The following FGF10 variants were observed in gnomAD, a reference collection of about 807,000 sequenced individuals.
FGF10 encodes FGF-10.
FGF10 carries 2 observed loss-of-function variants against 19.8 expected under a neutral mutation model. The ratio of observed to expected loss-of-function variants is 0.10; its 90% CI spans 0.04 to 0.32. The LOEUF (loss-of-function observed/expected upper bound fraction) is 0.32. FGF10 is among the 10% of genes least tolerant of loss of function. The pLI, the probability that FGF10 is intolerant of heterozygous loss-of-function variation, is 1.00. For synonymous variants in FGF10, 112 were observed against 94.0 expected, an observed-to-expected ratio of 1.19 and a Z score of -1.10; for missense variants, 191 against 246.3, an observed-to-expected ratio of 0.78 and a Z score of 1.50.
intron 1 of FGF10, among the ~76,000 whole-genome samples, chr5:44,353,460 G>GC (rs1741279768): frequency 6.6e-6 from 1 of 151,346 alleles, no homozygotes; most frequent in Non-Finnish European, 1.5e-5. Context: ...TCATTATTTA[G>GC]CTTTTATTCT....
intron 1 of FGF10, among the ~76,000 whole-genome samples, chr5:44,371,643 A>G (rs1579939723): frequency 6.6e-6 from 1 of 152,256 alleles, no homozygotes; most frequent in South Asian, 2.1e-4. Flanking sequence ...GTTCTGTATC[A>G]AACAACCAAA....
intron 1 of FGF10, among the ~76,000 whole-genome samples, chr5:44,377,303 T>A (rs1741888758): frequency 6.6e-6 from 1 of 152,180 alleles, no homozygotes; most frequent in South Asian, 2.1e-4. Context: ...CAACTCCCTG[T>A]GATGATCTCC....
chr5:44,372,451 T>C (rs948749161), intron 1 of FGF10, among the ~76,000 whole-genome samples: 1 of 152,182 alleles, frequency 6.6e-6, no homozygotes, highest in African/African-American at 2.4e-5. Context: ...TAATCACATC[T>C]GCAAAACTTT....
chr5:44,346,663 G>C (rs1344180248), intron 1 of FGF10, among the ~76,000 whole-genome samples: 18 of 151,756 alleles, frequency 1.2e-4, no homozygotes, highest in Non-Finnish European at 1.3e-4. Flanking sequence ...TGTCATTCAG[G>C]TCTCAGTACA....
At chr5:44,369,511 G>T (rs1741697924) in intron 1 of FGF10, among the ~76,000 whole-genome samples, 1 of 152,052 alleles carries the variant, frequency 6.6e-6, no homozygotes, top group Non-Finnish European at 1.5e-5. Flanking sequence ...CTAAAAGTTT[G>T]TTTACACGAC....
intron 1 of FGF10, among the ~76,000 whole-genome samples, chr5:44,353,296 T>G (rs78611334): frequency 0.015 from 2,340 of 151,766 alleles, 21 homozygotes; most frequent in Non-Finnish European, 0.021. Flanking sequence ...TTAGTTTTCA[T>G]GCTTTGCTTG....
At position 44,304,832 on chromosome 5, in the gene FGF10, T is replaced by C; in HGVS notation, c.*163A>G. On this transcript the variant is annotated 3_prime_UTR_variant, in exon 3 of 3. Transcript: ENST00000264664. ...CAGAACTAATTAAAAGAACATCATA[T>C]GTCAGCAGTGAATACAAAAACCTTC... 2.9e-6 allele frequency: 2 copies of C among 677,972 alleles called. No individual in the cohort carries two copies. Among genetic ancestry groups the C allele is most frequent in the Non-Finnish European group, 5.3e-6 (2 of 378,244 alleles). 42.0% of individuals were successfully genotyped at this position (677,972 alleles called of 1,614,324 possible). A position where few individuals can be genotyped will look rare whatever the true frequency, so the allele number is the denominator to read the frequency against.
intron 1 of FGF10, among the ~76,000 whole-genome samples, chr5:44,342,861 T>C (rs1344247195): frequency 6.6e-6 from 1 of 151,990 alleles, no homozygotes; most frequent in East Asian, 1.9e-4. Flanking sequence ...AAAGTGAGTC[T>C]CTAGATTTTA....
At chr5:44,376,517 A>AAAAAAAAAAAAAC (rs70997478) in intron 1 of FGF10, among the ~76,000 whole-genome samples, 1 of 132,652 alleles carries the variant, frequency 7.5e-6, no homozygotes, top group Non-Finnish European at 1.6e-5. Flanking sequence ...AAAAAAAAAA[A>AAAAAAAAAAAAAC]CAAAAAACCC....
intron 1 of FGF10, among the ~76,000 whole-genome samples, chr5:44,314,667 G>A (rs977859840): frequency 1.3e-4 from 20 of 151,932 alleles, no homozygotes; most frequent in Non-Finnish European, 1.8e-4. Context: ...GTAATGTTTT[G>A]ATGAGTGACT....
chr5:44,357,004 G>T (rs551431635), intron 1 of FGF10, among the ~76,000 whole-genome samples: 2 of 150,984 alleles, frequency 1.3e-5, no homozygotes, highest in African/African-American at 4.9e-5. Flanking sequence ...ACTTCTTTCT[G>T]CTTCAACTGC....
intron 1 of FGF10, among the ~76,000 whole-genome samples, chr5:44,385,350 C>A (rs1742074189): frequency 6.6e-6 from 1 of 152,110 alleles, no homozygotes; most frequent in African/African-American, 2.4e-5. Context: ...TTTCTGGGAA[C>A]TAGCTTTGAA....
At position 44,362,333 on chromosome 5, in the gene FGF10, C is replaced by T. The variant is rs17227681; in HGVS notation, c.325+26025G>A. On this transcript the variant is annotated intron_variant, in intron 1 of 2. Transcript: ENST00000264664. ...CTTGAAACTTGAATTGACACCATTC[C>T]TTTCCTAGTATTCTTGCTCCAAACA... Among the ~76,000 whole-genome samples, 954 of 151,680 alleles carry T rather than the reference C, an allele frequency of 6.3e-3. 41 individuals are homozygous for T. Among genetic ancestry groups the T allele is most frequent in the Admixed American group, 0.059 (889 of 15,176 alleles).
rs1742177119 is a variant in FGF10 at position 44,388,976 on chromosome 5, C to A, written c.-294G>T. 3 of 527,018 alleles carry A rather than the reference C, an allele frequency of 5.7e-6. No homozygotes were observed. The highest frequency in any genetic ancestry group is 3.2e-5 in the Admixed American group (1 of 31,318). The allele number at this position is 527,018 out of a possible 1,614,324, so 32.6% of individuals were successfully genotyped here. A position where few individuals can be genotyped will look rare whatever the true frequency, so the allele number is the denominator to read the frequency against. ...TGGTGGTGGCGTTGGTGGTGTTGGT[C>A]ACCAGCGCTCTTCGCTCCCCCAGGA... On this transcript the variant is annotated 5_prime_UTR_variant, in exon 1 of 3. Transcript: ENST00000264664.
At chr5:44,309,504 T>C (rs1334653037) in intron 2 of FGF10, among the ~76,000 whole-genome samples, 2 of 152,148 alleles carry the variant, frequency 1.3e-5, no homozygotes, top group Non-Finnish European at 2.9e-5. Context: ...CCCCTAAATA[T>C]ATTATAAATT....
chr5:44,367,172 A>G (rs562693502), intron 1 of FGF10, among the ~76,000 whole-genome samples: 3 of 152,228 alleles, frequency 2.0e-5, no homozygotes, highest in South Asian at 2.1e-4. Flanking sequence ...GTTTCCATTT[A>G]TCATCCTTTG....
intron 1 of FGF10, among the ~76,000 whole-genome samples, chr5:44,334,652 C>T (rs1040164349): frequency 4.6e-5 from 7 of 152,114 alleles, no homozygotes; most frequent in African/African-American, 1.4e-4. Flanking sequence ...CTTAACACAA[C>T]TGGTGGTTAA....
intron 1 of FGF10, among the ~76,000 whole-genome samples, chr5:44,358,950 A>G (rs1256521500): frequency 1.3e-5 from 2 of 151,530 alleles, no homozygotes; most frequent in African/African-American, 4.8e-5. Flanking sequence ...AAATCTCAGA[A>G]TAACATTCTC....
At chr5:44,383,620 G>A (rs1433579834) in intron 1 of FGF10, among the ~76,000 whole-genome samples, 1 of 152,042 alleles carries the variant, frequency 6.6e-6, no homozygotes, top group Admixed American at 6.5e-5. Flanking sequence ...AAACTCTCTT[G>A]AATTGTGCAT....
Sources: gnomAD v4.1 joint callset for allele counts (sites outside exome capture counted in the v4.1 genomes callset) on GRCh38, gnomAD v4.1.1 for gene constraint, MANE v1.5 for transcripts, NCBI Gene and HGNC (gene_info 2026-07-23, HGNC 2026-07-21) for gene names.